Variants in FAT3 observed in about 807,000 individuals in gnomAD.
FAT3 encodes the protein protocadherin Fat 3.
Under a neutral mutation model 310.2 loss-of-function variants are expected in FAT3, and 95 were observed. That is an observed-to-expected ratio of 0.31 (90% CI 0.26 to 0.36). The LOEUF (loss-of-function observed/expected upper bound fraction) is 0.36, where lower values mean the gene tolerates loss of function less well. FAT3 is among the 10% of genes least tolerant of loss of function. FAT3 has a pLI of 1.00. For synonymous variants in FAT3, 2,314 were observed against 2,192.9 expected (o/e 1.06, Z -1.54); for missense variants, 5,408 against 5,715.6 (o/e 0.95, Z 1.74).
chr11:92,286,187 C>T (rs1565201828), intron 1 of FAT3, among the ~76,000 whole-genome samples: 1 of 152,130 alleles, frequency 6.6e-6, no homozygotes, highest in African/African-American at 2.4e-5. Flanking sequence ...GATGCTTTGT[C>T]ATTCTGGCAG....
At chr11:92,682,806 G>A (rs576443363) in intron 3 of FAT3, among the ~76,000 whole-genome samples, 5 of 152,214 alleles carry the variant, frequency 3.3e-5, no homozygotes, top group African/African-American at 7.2e-5. Flanking sequence ...GGCCAGGTGC[G>A]GTGGCTCAGT....
intron 1 of FAT3, among the ~76,000 whole-genome samples, chr11:92,265,803 ACTCATGAGACTCTACC>A (rs1945926661): frequency 6.6e-6 from 1 of 151,670 alleles, no homozygotes; most frequent in Non-Finnish European, 1.5e-5. Flanking sequence ...CACTAACCCC[ACTCATGAGACTCTACC>A]CTCATGATTT....
intron 2 of FAT3, among the ~76,000 whole-genome samples, chr11:92,418,437 C>CCA (rs1424022062): frequency 3.7e-5 from 4 of 107,826 alleles, no homozygotes; most frequent in Non-Finnish European, 7.3e-5. Flanking sequence ...CACCCCCCCA[C>CCA]ACACACACAG....
intron 2 of FAT3, among the ~76,000 whole-genome samples, chr11:92,359,449 T>C (rs1373871781): frequency 6.6e-6 from 1 of 152,194 alleles, no homozygotes. Flanking sequence ...GATTAGTTGA[T>C]ACATTTAGTA....
intron 2 of FAT3, among the ~76,000 whole-genome samples, chr11:92,472,091 CAGTG>C (rs1951925660): frequency 6.6e-6 from 1 of 151,804 alleles, no homozygotes; most frequent in South Asian, 2.1e-4. Context: ...GTGTGCATAA[CAGTG>C]AGAAATATAG....
At chr11:92,765,796 G>T (rs1345010614) in intron 6 of FAT3, among the ~76,000 whole-genome samples, 2 of 149,318 alleles carry the variant, frequency 1.3e-5, no homozygotes, top group South Asian at 2.1e-4. Flanking sequence ...TTGAGGGGGG[G>T]GTTGTTTTGA....
rs1863841355 is a variant in FAT3 at position 92,225,019 on chromosome 11, T to G, written c.-173T>G. On this transcript the variant is annotated 5_prime_UTR_variant, in exon 1 of 28. Transcript: ENST00000525166. Reference sequence around the variant, plus strand: ...GGCGGCGTCCCGAGCGCAGAGCGCTTCTGCTCGCGGCCTCAGTCCCGGCTA... The same window carrying G: ...GGCGGCGTCCCGAGCGCAGAGCGCTGCTGCTCGCGGCCTCAGTCCCGGCTA... Among the ~76,000 whole-genome samples the G allele has an allele frequency of 1.3e-5, 2 of 151,976 alleles. No individual in the cohort carries two copies. Among genetic ancestry groups the G allele is most frequent in the Non-Finnish European group, 2.9e-5 (2 of 67,990 alleles).
intron 14 of FAT3, among the ~76,000 whole-genome samples, chr11:92,832,439 C>G (rs982207413): frequency 9.9e-5 from 15 of 152,094 alleles, no homozygotes; most frequent in African/African-American, 3.6e-4. Flanking sequence ...CCTCCTACCT[C>G]CTTCACAGAG....
chr11:92,740,030 C>T (rs1239821170), intron 4 of FAT3, among the ~76,000 whole-genome samples: 1 of 152,114 alleles, frequency 6.6e-6, no homozygotes, highest in Non-Finnish European at 1.5e-5. Context: ...ACTAAATGAG[C>T]AGTGAGAATA....
chr11:92,557,336 A>AC (rs1399748410), intron 3 of FAT3, among the ~76,000 whole-genome samples: 1 of 151,878 alleles, frequency 6.6e-6, no homozygotes, highest in Admixed American at 6.6e-5. Flanking sequence ...TGCACCTGTG[A>AC]CTCCCACTGT....
At chr11:92,876,064 G>A (rs1043777681) in intron 22 of FAT3, among the ~76,000 whole-genome samples, 1 of 152,060 alleles carries the variant, frequency 6.6e-6, no homozygotes, top group Non-Finnish European at 1.5e-5. Context: ...GCCCCCAGGT[G>A]CTTCTGATGT....
At chr11:92,508,608 G>A (rs569114047) in intron 2 of FAT3, among the ~76,000 whole-genome samples, 1 of 152,198 alleles carries the variant, frequency 6.6e-6, no homozygotes, top group African/African-American at 2.4e-5. Context: ...CATATCTCAC[G>A]GAGGAAATAG....
rs1481611710 is a variant in FAT3 at position 92,402,805 on chromosome 11, G to A, written c.3292+47401G>A. ...AATAGACACAAAACCATAAGTCCAAGAAGCTCAGGGAACACCAAGCAGAAT... is the reference window on the plus strand; with the variant it reads ...AATAGACACAAAACCATAAGTCCAAAAAGCTCAGGGAACACCAAGCAGAAT... On this transcript the variant is annotated intron_variant, in intron 2 of 27. Transcript: ENST00000525166. 3.4e-5 allele frequency among the ~76,000 whole-genome samples: 5 copies of A among 147,160 alleles called. No individual in the cohort carries two copies. In the South Asian group the frequency reaches 1.1e-3, roughly 32 times the overall value.
chr11:92,287,990 C>G lies in FAT3; in HGVS notation c.-18+62816C>G, dbSNP rs373983846. Reference sequence around the variant, plus strand: ...TGATATAGGTGTGTGTATGGAGGCACGTCTTTGTAAAATGGAAGTTGTTGC... The same window carrying G: ...TGATATAGGTGTGTGTATGGAGGCAGGTCTTTGTAAAATGGAAGTTGTTGC... On this transcript the variant is annotated intron_variant, in intron 1 of 27. Transcript: ENST00000525166. 2.0e-5 allele frequency among the ~76,000 whole-genome samples: 3 copies of G among 152,124 alleles called. No individual in the cohort carries two copies. The South Asian group carries it at 6.2e-4, about 32-fold the overall frequency.
At chr11:92,385,695 C>G (rs1218047514) in intron 2 of FAT3, among the ~76,000 whole-genome samples, 1 of 152,110 alleles carries the variant, frequency 6.6e-6, no homozygotes, top group Admixed American at 6.6e-5. Context: ...GACACCTCAT[C>G]TCATCAGCAT....
At chr11:92,372,903 G>C (rs990255804) in intron 2 of FAT3, among the ~76,000 whole-genome samples, 6 of 152,012 alleles carry the variant, frequency 3.9e-5, no homozygotes, top group African/African-American at 1.4e-4. Flanking sequence ...CTTGTGATCC[G>C]CCTGCCTCAG....
intron 1 of FAT3, among the ~76,000 whole-genome samples, chr11:92,277,642 G>A (rs964321335): frequency 1.3e-5 from 2 of 152,028 alleles, no homozygotes; most frequent in African/African-American, 4.8e-5. Context: ...ACTTGTAAGT[G>A]GTAGCATTGG....
At chr11:92,715,423 TAAATA>T (rs1002352239) in intron 4 of FAT3, among the ~76,000 whole-genome samples, 1 of 151,282 alleles carries the variant, frequency 6.6e-6, no homozygotes, top group African/African-American at 2.4e-5. Context: ...AATAAAAAAA[TAAATA>T]AAAATAAAAA....
intron 2 of FAT3, among the ~76,000 whole-genome samples, chr11:92,436,824 A>G (rs1230353377): frequency 6.6e-6 from 1 of 152,156 alleles, no homozygotes; most frequent in Non-Finnish European, 1.5e-5. Context: ...CTTCCTGAGT[A>G]CAAGCCAGGG....
Sources: allele counts gnomAD v4.1 joint callset (sites outside exome capture counted in the v4.1 genomes callset), GRCh38; gene constraint gnomAD v4.1.1; transcripts MANE v1.5; gene names NCBI Gene and HGNC (gene_info 2026-07-23, HGNC 2026-07-21).